Variants in ABL2 observed in about 807,000 individuals in gnomAD.
ABL2 encodes tyrosine-protein kinase ABL2.
ABL2 carries 49 observed loss-of-function variants against 107.7 expected under a neutral mutation model. The observed-to-expected ratio is 0.45, with a 90% CI of 0.36 to 0.58. The LOEUF (loss-of-function observed/expected upper bound fraction) is 0.58, where lower values mean the gene tolerates loss of function less well. Ranked by LOEUF, ABL2 falls within the 20% of genes least tolerant of loss-of-function variation. The probability of loss-of-function intolerance (pLI) is 0.00; values close to 1 mark genes in which losing one functional copy is unlikely to be tolerated. For synonymous variants in ABL2, 549 were observed against 548.6 expected, an observed-to-expected ratio of 1.00 and a Z score of -0.01; for missense variants, 1,245 against 1,457.0, an observed-to-expected ratio of 0.85 and a Z score of 2.37.
chr1:179,137,127 T>C (rs1657109435), intron 1 of ABL2, among the ~76,000 whole-genome samples: 1 of 152,188 alleles, frequency 6.6e-6, no homozygotes, highest in South Asian at 2.1e-4. Flanking sequence ...AAAGTAGTTA[T>C]GTTGTTCCTT....
intron 2 of ABL2, 54 bp downstream of exon 2, chr1:179,133,258 C>T: frequency 6.2e-7 from 1 of 1,609,110 alleles, no homozygotes; most frequent in Non-Finnish European, 8.5e-7. Context: ...CCCTGTTCTC[C>T]ATCTCTACTG....
intron 1 of ABL2, among the ~76,000 whole-genome samples, chr1:179,141,003 C>A (rs1294588471): frequency 6.6e-6 from 1 of 151,392 alleles, no homozygotes; most frequent in African/African-American, 2.4e-5. Flanking sequence ...GTAATCCCAA[C>A]TACTCGGGAG....
At chr1:179,165,743 T>C (rs1169330649) in intron 1 of ABL2, among the ~76,000 whole-genome samples, 2 of 151,812 alleles carry the variant, frequency 1.3e-5, no homozygotes, top group Non-Finnish European at 2.9e-5. Context: ...ATTGAGATAA[T>C]AGCTAAATCA....
At chr1:179,129,041 A>C (rs915322149) in intron 3 of ABL2, among the ~76,000 whole-genome samples, 5 of 152,152 alleles carry the variant, frequency 3.3e-5, no homozygotes, top group Non-Finnish European at 5.9e-5. Flanking sequence ...TCAAAAACTA[A>C]AGTGTTGCTT....
chr1:179,190,664 T>G (rs1178401406), intron 1 of ABL2, among the ~76,000 whole-genome samples: 2 of 151,978 alleles, frequency 1.3e-5, no homozygotes, highest in Non-Finnish European at 2.9e-5. Flanking sequence ...TAATCACGCC[T>G]CTCCTCAGTC....
Position 179,109,437 on chromosome 1 carries a change from G to C in ABL2, c.1830C>G (p.Phe610Leu). The change falls in exon 12 of 12, where the codon TTC becomes TTG. Residue 610 changes from phenylalanine (F) to leucine (L), a missense_variant. Physicochemically the swap from Phe to Leu is conservative, Grantham distance 22. This residue lies in a region of ABL2 where 761 missense variants were observed against 766.4 expected (regional missense o/e 0.99). Coordinates refer to ENST00000502732, the MANE Select transcript of ABL2 (RefSeq NM_007314.4). ...CACTAGAGGCCTGTGCACCTCTGAT[G>C]AACCCTGATGAGAAATGGCCGATCA... Reference protein sequence around the residue: ...ENSASSLAPGFIRGAQASSGS... With the variant: ...ENSASSLAPGLIRGAQASSGS... The C allele has an allele frequency of 6.2e-7, 1 of 1,603,196 alleles. No individual in the cohort carries two copies. Among genetic ancestry groups the C allele is most frequent in the Non-Finnish European group, 8.5e-7 (1 of 1,176,042 alleles).
chr1:179,201,809 T>C (rs1661684503), intron 1 of ABL2: 1 of 1,066,010 alleles, frequency 9.4e-7, no homozygotes, highest in Non-Finnish European at 1.3e-6. Context: ...AGTTTGGCCA[T>C]AAAGGTGTGG....
intron 1 of ABL2, among the ~76,000 whole-genome samples, chr1:179,190,578 C>T (rs1437767511): frequency 1.3e-5 from 2 of 151,936 alleles, no homozygotes; most frequent in African/African-American, 4.8e-5. Flanking sequence ...TCAGCCTCTC[C>T]CCCCTCCACA....
chr1:179,132,325 A>G (rs1656413976), intron 2 of ABL2, among the ~76,000 whole-genome samples: 1 of 152,192 alleles, frequency 6.6e-6, no homozygotes, highest in Admixed American at 6.5e-5. Flanking sequence ...TTCATAGTAC[A>G]TAGCACAGGT....
intron 1 of ABL2, among the ~76,000 whole-genome samples, chr1:179,190,062 C>A (rs557372785): frequency 6.6e-6 from 1 of 152,034 alleles, no homozygotes; most frequent in African/African-American, 2.4e-5. Context: ...GGTGATCTGC[C>A]CACCTCGGCC....
rs1280149657 is a variant in ABL2 at position 179,110,288 on chromosome 1, C to G, written c.1819G>C (p.Ala607Pro). The G allele has an allele frequency of 6.2e-7, 1 of 1,614,076 alleles. No individual in the cohort carries two copies. Among genetic ancestry groups the G allele is most frequent in the Admixed American group, 1.7e-5 (1 of 59,986 alleles). The change falls in exon 11 of 12, where the codon GCA becomes CCA. Residue 607 changes from alanine (A) to proline (P), a missense_variant. By Grantham distance (27) the Ala-to-Pro change is conservative. Around this residue, in one of 3 missense-constraint regions of ABL2, gnomAD observed 761 missense variants for 766.4 expected, o/e 0.99. Transcript: ENST00000502732. ...CCTGCTAAGGGACCCATACCTGGTG[C>G]TAAACTGGAAGCAGAATTTTCTGTG... Reference protein sequence around the residue: ...DATENSASSLAPGFIRGAQAS... With the variant: ...DATENSASSLPPGFIRGAQAS...
intron 1 of ABL2, among the ~76,000 whole-genome samples, chr1:179,212,056 A>G (rs1337891560): frequency 6.6e-6 from 1 of 152,202 alleles, no homozygotes; most frequent in Non-Finnish European, 1.5e-5. Flanking sequence ...AGGCCTCAGG[A>G]AACTTGAAAT....
intron 1 of ABL2, among the ~76,000 whole-genome samples, chr1:179,181,946 ATTT>A (rs34828452): frequency 3.3e-5 from 3 of 91,204 alleles, no homozygotes; most frequent in Non-Finnish European, 2.1e-5. Flanking sequence ...AGGCCCGGCT[ATTT>A]TTTTTTTTTT....
In ABL2 at chr1:179,107,961, T is replaced by C. The variant is rs1653599045; in HGVS notation, c.3306A>G (p.Glu1102=). The C allele has an allele frequency of 6.2e-7, 1 of 1,614,094 alleles. No homozygotes were observed. Among genetic ancestry groups the C allele is most frequent in the African/African-American group, 1.3e-5 (1 of 74,934 alleles). ...CTACCAGCTGGCTGTTGGGCACAGG[T>C]TCCGTGAGTGCACTGGACAGTAGGT... ...CADLLSSALT[E]PVPNSQLVDT... Residue 1102 remains glutamate (E), a synonymous_variant, in exon 12 of 12, where the codon GAA becomes GAG. Transcript: ENST00000502732.
At chr1:179,203,593 T>C (rs921789516) in intron 1 of ABL2, among the ~76,000 whole-genome samples, 5 of 152,210 alleles carry the variant, frequency 3.3e-5, no homozygotes, top group Non-Finnish European at 5.9e-5. Context: ...ATTTGTATTA[T>C]TGTAACAAGC....
intron 1 of ABL2, among the ~76,000 whole-genome samples, chr1:179,168,367 G>A (rs1322254340): frequency 6.6e-6 from 1 of 151,588 alleles, no homozygotes; most frequent in Non-Finnish European, 1.5e-5. Context: ...ATAAATAGTT[G>A]TTATACTGTA....
Position 179,107,662 on chromosome 1 carries a change from G to C in ABL2, c.*56C>G. ...TGAAAACAAGAACACAGGAAAACAA[G>C]TCCTTTTCCCTCTCCCCTCAGAAAT... On this transcript the variant is annotated 3_prime_UTR_variant, in exon 12 of 12. Transcript: ENST00000502732. The C allele has an allele frequency of 6.5e-7, 1 of 1,530,624 alleles. No individual in the cohort carries two copies. The highest frequency in any genetic ancestry group is 8.8e-7 in the Non-Finnish European group (1 of 1,140,636). The allele number at this position is 1,530,624 out of a possible 1,614,324, so 94.8% of individuals were successfully genotyped here.
intron 1 of ABL2, among the ~76,000 whole-genome samples, chr1:179,227,821 G>C (rs562008030): frequency 1.1e-4 from 17 of 152,216 alleles, no homozygotes; most frequent in African/African-American, 4.1e-4. Context: ...GGGAGGCTGT[G>C]GCGGGTGGAT....
chr1:179,218,405 TTTTC>T (rs1478927942), intron 1 of ABL2, among the ~76,000 whole-genome samples: 5 of 131,500 alleles, frequency 3.8e-5, no homozygotes, highest in Admixed American at 2.5e-4. Context: ...TACTCTTTTC[TTTTC>T]TTTTTTTGAG....
Sources: gnomAD v4.1 joint callset for allele counts (sites outside exome capture counted in the v4.1 genomes callset) on GRCh38, gnomAD v4.1.1 for gene constraint, gnomAD v4.1.1 regional missense constraint, MANE v1.5 for transcripts, NCBI Gene and HGNC (gene_info 2026-07-23, HGNC 2026-07-21) for gene names.